PDE7B: variants seen among roughly 807,000 people sequenced by gnomAD.
PDE7B encodes phosphodiesterase 7B, also known as 3',5'-cyclic-AMP phosphodiesterase 7B.
In PDE7B, 29 loss-of-function variants were observed where a neutral mutation model predicts 56.2. The ratio of observed to expected loss-of-function variants is 0.52; its 90% CI spans 0.38 to 0.70. The LOEUF (loss-of-function observed/expected upper bound fraction) is 0.70. Among genes scored for constraint, PDE7B ranks in the 30% least tolerant of loss-of-function variants. The pLI is 0.00. For synonymous variants in PDE7B, 197 were observed against 196.9 expected, an observed-to-expected ratio of 1.00 and a Z score of 0.00; for missense variants, 490 against 565.0, an observed-to-expected ratio of 0.87 and a Z score of 1.35.
At chr6:136,180,743 G>A (rs547891317) in intron 10 of PDE7B, among the ~76,000 whole-genome samples, 2 of 152,360 alleles carry the variant, frequency 1.3e-5, no homozygotes, top group South Asian at 4.1e-4. Context: ...TCCTGGGTTT[G>A]ATACGACTTC....
chr6:135,872,730 CTAT>C (rs1775409143), intron 1 of PDE7B, among the ~76,000 whole-genome samples: 1 of 152,150 alleles, frequency 6.6e-6, no homozygotes, highest in African/African-American at 2.4e-5. Flanking sequence ...TAACTGAAGT[CTAT>C]TATGGAAATT....
intron 1 of PDE7B, 39 bp downstream of exon 1, chr6:135,852,058 T>C: frequency 6.9e-7 from 1 of 1,451,838 alleles, no homozygotes; most frequent in South Asian, 1.1e-5. Flanking sequence ...TCAGTTTTCT[T>C]GAGAGAATAG....
At chr6:136,030,289 C>G (rs1456226194) in intron 2 of PDE7B, among the ~76,000 whole-genome samples, 2 of 152,242 alleles carry the variant, frequency 1.3e-5, no homozygotes, top group African/African-American at 4.8e-5. Context: ...TAGACCCATG[C>G]TCTTAGTTAC....
intron 1 of PDE7B, among the ~76,000 whole-genome samples, chr6:135,934,839 A>T (rs28565035): frequency 6.0e-5 from 7 of 116,600 alleles, no homozygotes; most frequent in African/African-American, 2.1e-4. Flanking sequence ...ATAAATATAT[A>T]TATTTATTTA....
chr6:136,143,409 G>A (rs1276655193), intron 3 of PDE7B, among the ~76,000 whole-genome samples: 1 of 151,684 alleles, frequency 6.6e-6, no homozygotes, highest in Non-Finnish European at 1.5e-5. Flanking sequence ...AGGGGAATGA[G>A]GCACTAGCCT....
chr6:136,070,274 G>C (rs1464275809), intron 2 of PDE7B: 1 of 152,076 alleles, frequency 6.6e-6, no homozygotes, highest in African/African-American at 2.4e-5. Flanking sequence ...TTAAGTCCTT[G>C]AATTCCAATT....
intron 2 of PDE7B, among the ~76,000 whole-genome samples, chr6:136,060,809 C>T (rs1776824764): frequency 6.6e-6 from 1 of 152,182 alleles, no homozygotes. Flanking sequence ...GATTCTAATC[C>T]TCTCCTCCTG....
intron 2 of PDE7B, among the ~76,000 whole-genome samples, chr6:136,023,092 C>T (rs532028571): frequency 2.0e-5 from 3 of 152,328 alleles, no homozygotes; most frequent in African/African-American, 7.2e-5. Flanking sequence ...CAGTTCCACA[C>T]TGGCTGAGTC....
At chr6:135,998,384 AAT>A (rs1775603388) in intron 2 of PDE7B, among the ~76,000 whole-genome samples, 1 of 152,218 alleles carries the variant, frequency 6.6e-6, no homozygotes, top group Non-Finnish European at 1.5e-5. Flanking sequence ...ATCTTATAAA[AAT>A]ATGTCTTGGT....
At chr6:136,184,465 T>C (rs1779114379) in intron 11 of PDE7B, among the ~76,000 whole-genome samples, 2 of 152,076 alleles carry the variant, frequency 1.3e-5, no homozygotes, top group Admixed American at 6.5e-5. Context: ...AGTTAATAAA[T>C]AAAAAATAGA....
chr6:135,991,770 T>C (rs1006408532), intron 2 of PDE7B, among the ~76,000 whole-genome samples: 1 of 152,176 alleles, frequency 6.6e-6, no homozygotes, highest in African/African-American at 2.4e-5. Flanking sequence ...ATGAGGGCCA[T>C]CAGAGAGCTG....
At chr6:136,029,967 TCTC>T (rs1238808675) in intron 2 of PDE7B, among the ~76,000 whole-genome samples, 1 of 152,214 alleles carries the variant, frequency 6.6e-6, no homozygotes, top group East Asian at 1.9e-4. Context: ...CACTCTAAAT[TCTC>T]CTGCCATTAC....
chr6:136,154,120 C>T lies in PDE7B; in HGVS notation c.524C>T (p.Ala175Val). ...DYHSQNPYHN[A>V]VHAADVTQAM... Reference sequence around the variant, plus strand: ...CACAGCCAAAACCCGTATCACAATGCTGTTCACGCAGCCGACGTCACCCAG... The same window carrying T: ...CACAGCCAAAACCCGTATCACAATGTTGTTCACGCAGCCGACGTCACCCAG... Residue 175 changes from alanine (A) to valine (V), a missense_variant, in exon 7 of 13, where the codon GCT becomes GTT. Physicochemically the swap from Ala to Val is moderately conservative, Grantham distance 64. Transcript: ENST00000308191. The T allele has an allele frequency of 6.2e-7, 1 of 1,613,906 alleles. No individual in the cohort carries two copies. Among genetic ancestry groups the T allele is most frequent in the African/African-American group, 1.3e-5 (1 of 75,044 alleles).
At chr6:135,899,969 T>A (rs1415237546) in intron 1 of PDE7B, among the ~76,000 whole-genome samples, 1 of 152,200 alleles carries the variant, frequency 6.6e-6, no homozygotes, top group Non-Finnish European at 1.5e-5. Context: ...TATACAATTC[T>A]TTGTTAACAC....
At chr6:136,131,804 T>C (rs1778123904) in intron 3 of PDE7B, among the ~76,000 whole-genome samples, 2 of 152,176 alleles carry the variant, frequency 1.3e-5, no homozygotes, top group Admixed American at 1.3e-4. Flanking sequence ...ATAGAATCGC[T>C]TCCAACCTTT....
chr6:136,150,539 G>T (rs923744776), intron 5 of PDE7B, among the ~76,000 whole-genome samples: 89 of 152,108 alleles, frequency 5.9e-4, no homozygotes, highest in Non-Finnish European at 7.4e-5. Flanking sequence ...TTATTTCTGG[G>T]TTCTCTATTC....
intron 10 of PDE7B, among the ~76,000 whole-genome samples, chr6:136,180,662 C>G (rs73555085): frequency 0.11 from 15,987 of 152,188 alleles, 2,788 homozygotes; most frequent in African/African-American, 0.36. Flanking sequence ...TGACAAAAAG[C>G]TGGCATCTCA....
intron 2 of PDE7B, among the ~76,000 whole-genome samples, chr6:136,052,675 T>G (rs1315289753): frequency 7.2e-6 from 1 of 138,532 alleles, no homozygotes; most frequent in African/African-American, 2.8e-5. Flanking sequence ...TGGGCATACC[T>G]GCCATTATAG....
chr6:135,943,065 C>A (rs1324911092), intron 1 of PDE7B, among the ~76,000 whole-genome samples: 3 of 152,124 alleles, frequency 2.0e-5, no homozygotes, highest in Admixed American at 2.0e-4. Context: ...AATGTTGTGA[C>A]TTTTAAAATT....
Sources: allele counts gnomAD v4.1 joint callset (sites outside exome capture counted in the v4.1 genomes callset), GRCh38; gene constraint gnomAD v4.1.1; transcripts MANE v1.5; gene names NCBI Gene and HGNC (gene_info 2026-07-23, HGNC 2026-07-21).